CDH23: variants seen among roughly 807,000 people sequenced by gnomAD.
CDH23 encodes the protein cadherin related 23.
A neutral mutation model predicts 317.1 loss-of-function variants in CDH23; 189 were observed. The ratio of observed to expected loss-of-function variants is 0.60; its 90% confidence interval spans 0.53 to 0.67. The LOEUF (loss-of-function observed/expected upper bound fraction) is 0.67. Among genes scored for constraint, CDH23 ranks in the 30% least tolerant of loss-of-function variants. CDH23 has a pLI of 0.00. For synonymous variants in CDH23, 1,839 were observed against 1,876.8 expected, an observed-to-expected ratio of 0.98 and a Z score of 0.52; for missense variants, 4,401 against 4,592.4, an observed-to-expected ratio of 0.96 and a Z score of 1.20.
chr10:71,694,212 G>T lies in CDH23; in HGVS notation c.2242G>T (p.Ala748Ser), dbSNP rs752103709. The T allele has an allele frequency of 1.2e-6, 2 of 1,613,502 alleles. No homozygotes were observed. Among genetic ancestry groups the T allele is most frequent in the Non-Finnish European group, 1.7e-6 (2 of 1,179,838 alleles). ...GTCTGAATACATCCTCATCGTTCGC[G>T]CAGTGGACGGGGGTGTGGGCCACAA... ...TKSEYILIVR[A>S]VDGGVGHNQK... The change falls in exon 21 of 70, where the codon GCA becomes TCA. Residue 748 changes from alanine (A) to serine (S), a missense_variant. By Grantham distance (99) the Ala-to-Ser change is moderately conservative (BLOSUM62 1). Around this residue, in one of 3 missense-constraint regions of CDH23, gnomAD observed 3,068 missense variants for 3,203.3 expected, o/e 0.96. Transcript: ENST00000224721.
At chr10:71,773,525 G>T (rs1840739950) in intron 38 of CDH23, 1 of 1,327,280 alleles carries the variant, frequency 7.5e-7, no homozygotes, top group African/African-American at 1.5e-5. Context: ...GCGACTGAGT[G>T]CGAGCGAGTG....
intron 28 of CDH23, chr10:71,715,994 AG>A: frequency 6.7e-7 from 1 of 1,497,512 alleles, no homozygotes; most frequent in Admixed American, 2.4e-5. Context: ...GGGGCCCGGC[AG>A]GGGCTGTCGA....
chr10:71,485,023 C>CTTTTT (rs56153129), intron 3 of CDH23, among the ~76,000 whole-genome samples: 8 of 110,134 alleles, frequency 7.3e-5, no homozygotes, highest in South Asian at 2.9e-4. Flanking sequence ...TTTCTTTTTT[C>CTTTTT]TTTTTTTTTT....
rs117187016 is a variant in CDH23 at position 71,452,977 on chromosome 10, G to T, written c.145+6582G>T. ...GGCGGCCTCAGCAAGTGCTTGGTGG[G>T]TGAGTGGGTAGATGAGTGGATGGGT... is the stretch of plus-strand genomic sequence containing the variant. On this transcript the variant is annotated intron_variant, in intron 3 of 69. Coordinates refer to ENST00000224721, the MANE Select transcript of CDH23 (RefSeq NM_022124.6). 1.8e-4 allele frequency among the ~76,000 whole-genome samples: 27 copies of T among 152,286 alleles called. 1 individual carries two copies. The East Asian group carries it at 5.0e-3, about 28-fold the overall frequency.
intron 1 of CDH23, among the ~76,000 whole-genome samples, chr10:71,422,142 A>G (rs1848847312): frequency 6.6e-6 from 1 of 152,208 alleles, no homozygotes. Context: ...TGGCAGACAC[A>G]TGGGTCTAGA....
chr10:71,671,425 G>C (rs1564722791), intron 14 of CDH23, among the ~76,000 whole-genome samples: 4 of 152,216 alleles, frequency 2.6e-5, no homozygotes, highest in Admixed American at 2.6e-4. Flanking sequence ...GGGGGTGTTT[G>C]CAGCAGGAAG....
intron 3 of CDH23, among the ~76,000 whole-genome samples, chr10:71,453,674 A>G (rs1316268272): frequency 6.6e-6 from 1 of 152,220 alleles, no homozygotes; most frequent in East Asian, 1.9e-4. Context: ...AGGGTGGAGA[A>G]CCACAGTGGG....
intron 6 of CDH23, among the ~76,000 whole-genome samples, chr10:71,522,924 G>A (rs1350399945): frequency 6.6e-6 from 1 of 152,020 alleles, no homozygotes; most frequent in East Asian, 1.9e-4. Flanking sequence ...TGTTAGAGCT[G>A]GGGAAAAAAC....
intron 19 of CDH23, among the ~76,000 whole-genome samples, chr10:71,689,205 GGTGGAGTCAGGGA>G: frequency 1.1e-5 from 1 of 90,808 alleles, no homozygotes; most frequent in Middle Eastern, 5.6e-3. Flanking sequence ...AGCCAGGGTT[GGTGGAGTCAGGGA>G]TGGTGGAGTC....
At chr10:71,486,498 G>A (rs1852354677) in intron 3 of CDH23, among the ~76,000 whole-genome samples, 1 of 152,088 alleles carries the variant, frequency 6.6e-6, no homozygotes. Flanking sequence ...GGGCTCGAGG[G>A]GACACATGAC....
At chr10:71,778,039 A>G in intron 39 of CDH23, 138 bp downstream of exon 39, 1 of 1,435,544 alleles carries the variant, frequency 7.0e-7, no homozygotes, top group Admixed American at 2.0e-5. Context: ...TGGGAGGATG[A>G]AAAGTTTGGT....
chr10:71,814,964 G>T lies in CDH23; in HGVS notation c.9751G>T (p.Glu3251Ter). The change falls in exon 70 of 70, where the codon GAG (glutamate) becomes TAG (stop). Residue 3251 changes from glutamate to a stop codon, truncating the protein, a stop_gained. Coordinates refer to ENST00000224721, the MANE Select transcript of CDH23 (RefSeq NM_022124.6). LOFTEE classifies it high-confidence loss of function. ...HSSISELIQT[E>*]LDEEPGDHSP... ...CGGCCTCTTGCAGCTGATACAGACT[G>T]AGCTGGACGAGGAGCCAGGAGACCA... 6.2e-7 allele frequency: 1 copy of T among 1,611,596 alleles called. No homozygotes were observed. Among genetic ancestry groups the T allele is most frequent in the South Asian group, 1.1e-5 (1 of 90,926 alleles).
intron 44 of CDH23, among the ~76,000 whole-genome samples, chr10:71,786,265 G>A (rs1022792718): frequency 2.0e-5 from 3 of 152,146 alleles, no homozygotes; most frequent in Non-Finnish European, 4.4e-5. Context: ...TGGGTTGGGG[G>A]TCAGCTCTGT....
intron 38 of CDH23, among the ~76,000 whole-genome samples, chr10:71,766,907 C>G (rs930840272): frequency 6.6e-6 from 1 of 152,212 alleles, no homozygotes; most frequent in African/African-American, 2.4e-5. Flanking sequence ...ATGAACTGAC[C>G]GTGCATTGAC....
chr10:71,739,437 T>C (rs79728687), intron 35 of CDH23, among the ~76,000 whole-genome samples: 3,076 of 152,262 alleles, frequency 0.02, 212 homozygotes, highest in East Asian at 0.19. Context: ...GCCCCGGAAC[T>C]TTCCATGGGT....
intron 14 of CDH23, among the ~76,000 whole-genome samples, chr10:71,663,146 C>G (rs1053488111): frequency 1.3e-5 from 2 of 152,284 alleles, no homozygotes; most frequent in South Asian, 2.1e-4. Context: ...TTTGTGGGTC[C>G]CAGAGGTTGG....
intron 3 of CDH23, among the ~76,000 whole-genome samples, chr10:71,504,692 G>A (rs1022441069): frequency 6.6e-6 from 1 of 152,198 alleles, no homozygotes; most frequent in African/African-American, 2.4e-5. Flanking sequence ...TGAGCCAGGA[G>A]TCCTAAGACT....
intron 3 of CDH23, among the ~76,000 whole-genome samples, chr10:71,450,726 G>C (rs1850397893): frequency 6.6e-6 from 1 of 151,996 alleles, no homozygotes; most frequent in Non-Finnish European, 1.5e-5. Flanking sequence ...CAGCCTCTCT[G>C]CTGGTTCCTC....
intron 38 of CDH23, among the ~76,000 whole-genome samples, chr10:71,744,947 C>T (rs1839819839): frequency 6.6e-6 from 1 of 152,270 alleles, no homozygotes; most frequent in African/African-American, 2.4e-5. Context: ...CCCCCTGCTT[C>T]TCCAAGTTGG....
Sources: gnomAD v4.1 joint callset for allele counts (sites outside exome capture counted in the v4.1 genomes callset) on GRCh38, gnomAD v4.1.1 for gene constraint, gnomAD v4.1.1 regional missense constraint, MANE v1.5 for transcripts, NCBI Gene and HGNC (gene_info 2026-07-23, HGNC 2026-07-21) for gene names.